The following TM4SF18 variants were observed in gnomAD, a reference collection of about 807,000 sequenced individuals.
The protein encoded by TM4SF18 is transmembrane 4 L6 family member 18.
TM4SF18 carries 22 observed loss-of-function variants against 23.8 expected under a neutral mutation model. The ratio of observed to expected loss-of-function variants is 0.92; its 90% CI spans 0.66 to 1.32. The LOEUF (loss-of-function observed/expected upper bound fraction) is 1.32. TM4SF18 is among the 40% of genes most tolerant of loss of function. The pLI is 0.00. For missense variants in TM4SF18, 255 were observed against 240.3 expected, an observed-to-expected ratio of 1.06 and a Z score of -0.41; for synonymous variants, 87 against 87.9, an observed-to-expected ratio of 0.99 and a Z score of 0.06.
chr3:149,332,163 C>G (rs755218489), intron 2 of TM4SF18, among the ~76,000 whole-genome samples: 8 of 151,854 alleles, frequency 5.3e-5, no homozygotes, highest in African/African-American at 1.9e-4. Flanking sequence ...TAGTTATGTA[C>G]TTATTTCATA....
rs34338382 is a variant in TM4SF18 at position 149,322,905 on chromosome 3, C to CTTTTTTTTTTTTTTTTTT, written c.411-470_411-469insAAAAAAAAAAAAAAAAAA. Among the ~76,000 whole-genome samples, 8 of 128,766 alleles carry CTTTTTTTTTTTTTTTTTT rather than the reference C, an allele frequency of 6.2e-5. 1 individual carries two copies. Among genetic ancestry groups the CTTTTTTTTTTTTTTTTTT allele is most frequent in the Admixed American group, 2.3e-4 (3 of 12,866 alleles). 84.5% of individuals were successfully genotyped at this position (128,766 alleles called of 152,430 possible). A position where few individuals can be genotyped will look rare whatever the true frequency, so the allele number is the denominator to read the frequency against. On this transcript the variant is annotated intron_variant, in intron 4 of 5. Transcript: ENST00000296059. The stretch of plus-strand genomic sequence containing the variant: ...GAACTTTACCCCTCTGGCCTCCAGA[C>CTTTTTTTTTTTTTTTTTT]TTTTTTTTTTTTTTTTGAGACGGAG...
chr3:149,333,181 C>G (rs1293216442), intron 2 of TM4SF18, 25 bp downstream of exon 2: 1 of 1,594,994 alleles, frequency 6.3e-7, no homozygotes. Context: ...CCCCTTCTCT[C>G]CCAAGTCTCC....
intron 2 of TM4SF18, among the ~76,000 whole-genome samples, chr3:149,331,487 TA>T (rs1332026382): frequency 3.3e-4 from 50 of 152,150 alleles, no homozygotes; most frequent in Admixed American, 4.6e-4. Flanking sequence ...TAATCTTAGT[TA>T]TGTCTTGCAA....
In TM4SF18 at chr3:149,320,145, A is replaced by G. The variant is rs1730773306; in HGVS notation, c.*1333T>C. Reference sequence around the variant, plus strand: ...GGCACAGAGCAGGTGTTGACAGACCATTGTTGACAGTGTCCATGGAGGAGA... The same window carrying G: ...GGCACAGAGCAGGTGTTGACAGACCGTTGTTGACAGTGTCCATGGAGGAGA... On this transcript the variant is annotated 3_prime_UTR_variant, in exon 6 of 6. Transcript: ENST00000296059. 2 of 152,352 alleles carry G rather than the reference A, an allele frequency of 1.3e-5. No homozygotes were observed. The highest frequency in any genetic ancestry group is 1.3e-4 in the Admixed American group (2 of 15,290). The allele number at this position is 152,352 out of a possible 1,614,324, so 9.4% of individuals were successfully genotyped here.
At chr3:149,324,625 C>G (rs528312423) in intron 4 of TM4SF18, among the ~76,000 whole-genome samples, 1 of 152,182 alleles carries the variant, frequency 6.6e-6, no homozygotes, top group Non-Finnish European at 1.5e-5. Flanking sequence ...GAGAAACACA[C>G]CTTTCATTTG....
intron 4 of TM4SF18, among the ~76,000 whole-genome samples, chr3:149,324,395 T>C (rs1268684925): frequency 6.6e-6 from 1 of 152,190 alleles, no homozygotes; most frequent in Non-Finnish European, 1.5e-5. Flanking sequence ...TCATCCTGCC[T>C]TGTTCTATCT....
At chr3:149,325,704 A>G (rs1730928843) in intron 3 of TM4SF18, among the ~76,000 whole-genome samples, 1 of 152,208 alleles carries the variant, frequency 6.6e-6, no homozygotes, top group Non-Finnish European at 1.5e-5. Context: ...ATAGGGCACA[A>G]TTCAGCCCTT....
chr3:149,322,543 A>G, intron 4 of TM4SF18, 107 bp from the exon 5 acceptor site: 1 of 888,364 alleles, frequency 1.1e-6, no homozygotes, highest in Non-Finnish European at 1.7e-6. Flanking sequence ...TAGTTATTAG[A>G]TATGAATTAA....
rs1226328383 is a variant in TM4SF18 at position 149,319,510 on chromosome 3, G to A, written c.*1968C>T. 6.6e-6 allele frequency: 1 copy of A among 152,202 alleles called. No individual in the cohort carries two copies. Among genetic ancestry groups the A allele is most frequent in the African/African-American group, 2.4e-5 (1 of 41,454 alleles). 9.4% of individuals were successfully genotyped at this position (152,202 alleles called of 1,614,324 possible). ...CCCTCCAACCCAACATCTAGAAAAG[G>A]GAGACTTCATTTGGATCGTTTTAGT... On this transcript the variant is annotated 3_prime_UTR_variant, in exon 6 of 6. Transcript: ENST00000296059.
rs1730778342 is a variant in TM4SF18, at chr3:149,320,375, G to A, written c.*1103C>T. On this transcript the variant is annotated 3_prime_UTR_variant, in exon 6 of 6. Coordinates refer to ENST00000296059, the MANE Select transcript of TM4SF18 (RefSeq NM_138786.4). ...CCCGAGGAAGACATGGCATGTATAG[G>A]TGGAAAATTTGTAAGTGTTCTACTT... 1 of 152,220 alleles carries A rather than the reference G, an allele frequency of 6.6e-6. No individual in the cohort carries two copies. The highest frequency in any genetic ancestry group is 6.5e-5 in the Admixed American group (1 of 15,286). 9.4% of individuals were successfully genotyped at this position (152,220 alleles called of 1,614,324 possible).
intron 3 of TM4SF18, among the ~76,000 whole-genome samples, chr3:149,329,772 A>C (rs1639010694): frequency 6.6e-6 from 1 of 152,194 alleles, no homozygotes; most frequent in African/African-American, 2.4e-5. Flanking sequence ...CATCACATAC[A>C]CCCAACAATA....
At position 149,319,037 on chromosome 3, in the gene TM4SF18, A is replaced by G. The variant is rs2108357565; in HGVS notation, c.*2441T>C. On this transcript the variant is annotated 3_prime_UTR_variant, in exon 6 of 6. Transcript: ENST00000296059. ...TAGAATATTTGGTGGCTGTGTTAAAATTTAATTTTCCTGATAGAGGTATCA... is the reference window on the plus strand; with the variant it reads ...TAGAATATTTGGTGGCTGTGTTAAAGTTTAATTTTCCTGATAGAGGTATCA... 6.6e-6 allele frequency: 1 copy of G among 152,308 alleles called. No homozygotes were observed. Among genetic ancestry groups the G allele is most frequent in the African/African-American group, 2.4e-5 (1 of 41,556 alleles). 9.4% of individuals were successfully genotyped at this position (152,308 alleles called of 1,614,324 possible).
intron 4 of TM4SF18, among the ~76,000 whole-genome samples, chr3:149,324,291 G>A (rs536597975): frequency 6.6e-6 from 1 of 152,276 alleles, no homozygotes; most frequent in East Asian, 1.9e-4. Flanking sequence ...TACCTCTTTA[G>A]ACCCTTCTCC....
At chr3:149,333,078 C>T in intron 2 of TM4SF18, 128 bp downstream of exon 2, 2 of 927,096 alleles carry the variant, frequency 2.2e-6, no homozygotes, top group Non-Finnish European at 3.2e-6. Flanking sequence ...TCACCCCCAT[C>T]CCTCTTTCAA....
chr3:149,326,444 A>T (rs975687801), intron 3 of TM4SF18, among the ~76,000 whole-genome samples: 2 of 152,106 alleles, frequency 1.3e-5, no homozygotes, highest in East Asian at 3.9e-4. Context: ...TCTTCCCTGG[A>T]TAGGTACATT....
chr3:149,321,839 G>A (rs772012339), intron 5 of TM4SF18, among the ~76,000 whole-genome samples: 1 of 152,146 alleles, frequency 6.6e-6, no homozygotes, highest in Non-Finnish European at 1.5e-5. Flanking sequence ...CGAGATAAAG[G>A]TTCATTAGTT....
chr3:149,322,564 A>G, intron 4 of TM4SF18, 128 bp from the exon 5 acceptor site: 1 of 768,614 alleles, frequency 1.3e-6, no homozygotes, highest in Non-Finnish European at 2.0e-6. Flanking sequence ...TACATTTTAA[A>G]AACCATTCAG....
At chr3:149,333,181 C>T (rs1293216442) in intron 2 of TM4SF18, 25 bp downstream of exon 2, 1 of 1,594,994 alleles carries the variant, frequency 6.3e-7, no homozygotes. Context: ...CCCCTTCTCT[C>T]CCAAGTCTCC....
At chr3:149,322,086 A>G (rs556185844) in intron 5 of TM4SF18, among the ~76,000 whole-genome samples, 170 bp downstream of exon 5, 1 of 152,334 alleles carries the variant, frequency 6.6e-6, no homozygotes, top group South Asian at 2.1e-4. Context: ...ATAAGCCAAG[A>G]CACATTGGGA....
Sources: allele counts gnomAD v4.1 joint callset (sites outside exome capture counted in the v4.1 genomes callset), GRCh38; gene constraint gnomAD v4.1.1; transcripts MANE v1.5; gene names NCBI Gene and HGNC (gene_info 2026-07-23, HGNC 2026-07-21).